SCG3: variants seen among roughly 807,000 people sequenced by gnomAD.
SCG3 encodes the protein secretogranin III.
SCG3 carries 38 observed loss-of-function variants against 56.2 expected under a neutral mutation model. The observed-to-expected ratio is 0.68, with a 90% CI of 0.52 to 0.89. SCG3 has a LOEUF of 0.89. Among genes scored for constraint, SCG3 ranks in the 40% least tolerant of loss-of-function variants. The probability of loss-of-function intolerance (pLI) is 0.00; values close to 1 mark genes in which losing one functional copy is unlikely to be tolerated. For missense variants in SCG3, 524 were observed against 540.7 expected, an observed-to-expected ratio of 0.97 and a Z score of 0.31; for synonymous variants, 176 against 184.2, an observed-to-expected ratio of 0.96 and a Z score of 0.36.
chr15:51,682,595 G>T, intron 2 of SCG3, 26 bp downstream of exon 2: 1 of 1,253,316 alleles, frequency 8.0e-7, no homozygotes, highest in Non-Finnish European at 1.1e-6. Flanking sequence ...CATTATGAAT[G>T]CTATTTCATT....
At chr15:51,693,607 T>C (rs954521257) in intron 7 of SCG3, 1 of 152,246 alleles carries the variant, frequency 6.6e-6, no homozygotes, top group Admixed American at 6.5e-5. Flanking sequence ...ACTGCCTTCA[T>C]GGCTTTTTCT....
At chr15:51,681,879 G>C in intron 1 of SCG3, 42 bp downstream of exon 1, 1 of 1,536,654 alleles carries the variant, frequency 6.5e-7, no homozygotes, top group Non-Finnish European at 9.0e-7. Flanking sequence ...CTTTTATTTC[G>C]CCACGAAAAG....
rs747559537 is a variant in SCG3, at chr15:51,699,419, A to AT, written c.1069+24dup. Reference sequence around the variant, plus strand: ...TTTTCCCAGGTATGATTATTTAACTATTTTTTTAGCCTTTAGAATAATAAC... The same window carrying AT: ...TTTTCCCAGGTATGATTATTTAACTATTTTTTTTAGCCTTTAGAATAATAAC... On this transcript the variant is annotated intron_variant, in intron 9 of 11. Transcript: ENST00000220478. The AT allele has an allele frequency of 7.3e-6, 11 of 1,499,346 alleles. No homozygotes were observed. The highest frequency in any genetic ancestry group is 2.3e-5 in the East Asian group (1 of 44,022). 92.9% of individuals were successfully genotyped at this position (1,499,346 alleles called of 1,614,324 possible).
At chr15:51,716,623 G>A (rs1258446315) in intron 11 of SCG3, among the ~76,000 whole-genome samples, 1 of 152,176 alleles carries the variant, frequency 6.6e-6, no homozygotes, top group Non-Finnish European at 1.5e-5. Flanking sequence ...AAGCAACAAT[G>A]TGCTTTCTCC....
chr15:51,681,859 T>G, intron 1 of SCG3, 22 bp downstream of exon 1: 1 of 1,594,584 alleles, frequency 6.3e-7, no homozygotes, highest in Non-Finnish European at 8.6e-7. Flanking sequence ...CTTTTCTTCT[T>G]CCTACCTTCC....
chr15:51,708,879 G>A (rs2055393356), intron 10 of SCG3, among the ~76,000 whole-genome samples: 1 of 151,766 alleles, frequency 6.6e-6, no homozygotes, highest in Admixed American at 6.6e-5. Flanking sequence ...GAAAACCACT[G>A]CCTTGTCAGC....
At position 51,716,275 on chromosome 15, in the gene SCG3, G is replaced by A. The variant is rs576770281; in HGVS notation, c.1288+2862G>A. On this transcript the variant is annotated intron_variant, in intron 11 of 11. Coordinates refer to ENST00000220478, the MANE Select transcript of SCG3 (RefSeq NM_013243.4). ...TGCAGAGGCAGTATTAATGAACCAGGAATAAACAAGAAGTGCCCTTTGTGC... is the reference window on the plus strand; with the variant it reads ...TGCAGAGGCAGTATTAATGAACCAGAAATAAACAAGAAGTGCCCTTTGTGC... 9.8e-5 allele frequency among the ~76,000 whole-genome samples: 15 copies of A among 152,298 alleles called. No homozygotes were observed. The South Asian group carries it at 2.7e-3, about 27-fold the overall frequency.
At chr15:51,685,615 A>G (rs1417788461) in intron 4 of SCG3, among the ~76,000 whole-genome samples, 1 of 152,304 alleles carries the variant, frequency 6.6e-6, no homozygotes, top group South Asian at 2.1e-4. Context: ...TCCTGAAACC[A>G]GAGGGTTTTT....
At position 51,681,737 on chromosome 15, in the gene SCG3, C is replaced by A. The variant is rs749361693; in HGVS notation, c.-19C>A. ...CAGGAGCCCAGCGCCGGGCTGTGAC[C>A]CAAGCCGAGCGTGGAAGAATGGGGT... On this transcript the variant is annotated 5_prime_UTR_variant, in exon 1 of 12. Transcript: ENST00000220478. 2 of 1,610,488 alleles carry A rather than the reference C, an allele frequency of 1.2e-6. No individual in the cohort carries two copies. The highest frequency in any genetic ancestry group is 1.1e-5 in the South Asian group (1 of 90,876).
rs192335182 is a variant in SCG3, at chr15:51,715,928, G to A, written c.1288+2515G>A. Among the ~76,000 whole-genome samples the A allele has an allele frequency of 1.2e-3, 183 of 151,638 alleles. 2 individuals carry two copies. The highest frequency in any genetic ancestry group is 2.2e-3 in the Admixed American group (33 of 15,236). ...GCTGGAGTGCAGTGGCACGGTCTCC[G>A]CTCACTGCGAGCTCCGCCTCCAGGG... On this transcript the variant is annotated intron_variant, in intron 11 of 11. Transcript: ENST00000220478.
At chr15:51,711,999 T>A (rs1221143833) in intron 10 of SCG3, among the ~76,000 whole-genome samples, 5 of 152,204 alleles carry the variant, frequency 3.3e-5, no homozygotes, top group Non-Finnish European at 5.9e-5. Flanking sequence ...GGCAGTGTTA[T>A]TGTACATGGA....
chr15:51,707,648 G>C (rs1247035882), intron 10 of SCG3, among the ~76,000 whole-genome samples: 2 of 152,226 alleles, frequency 1.3e-5, no homozygotes, highest in Admixed American at 6.5e-5. Flanking sequence ...CATGGCCAAA[G>C]TGGTGGAGCT....
intron 1 of SCG3, 73 bp from the exon 2 acceptor site, chr15:51,682,444 A>G: frequency 1.3e-6 from 1 of 743,084 alleles, no homozygotes. Flanking sequence ...TTTTATAAAA[A>G]TTTTATTTAA....
rs766515836 is a variant in SCG3 at position 51,705,522 on chromosome 15, C to CT, written c.1207+4292dup. Among the ~76,000 whole-genome samples, 722 of 142,804 alleles carry CT rather than the reference C, an allele frequency of 5.1e-3. 3 individuals are homozygous for CT. Among genetic ancestry groups the CT allele is most frequent in the African/African-American group, 0.014 (532 of 39,150 alleles). 93.7% of individuals were successfully genotyped at this position (142,804 alleles called of 152,430 possible). ...AAAACTTTATCCATTTAGTGTTATT[C>CT]TTTTTTTTTTTTTTCCCGAGACAGA... On this transcript the variant is annotated intron_variant, in intron 10 of 11. Coordinates refer to ENST00000220478, the MANE Select transcript of SCG3 (RefSeq NM_013243.4).
chr15:51,683,290 G>A lies in SCG3; in HGVS notation c.253G>A (p.Glu85Lys), dbSNP rs1459980606. 6.2e-7 allele frequency: 1 copy of A among 1,613,780 alleles called. No homozygotes were observed. Among genetic ancestry groups the A allele is most frequent in the East Asian group, 2.2e-5 (1 of 44,834 alleles). The part of the protein sequence containing the change: ...LNLLKAITEK[E>K]KIEKERQSIR... Reference sequence around the variant, plus strand: ...CCTGCTAAAGGCAATAACAGAAAAGGAAAAAATTGAGAAAGAAAGACAATC... The same window carrying A: ...CCTGCTAAAGGCAATAACAGAAAAGAAAAAAATTGAGAAAGAAAGACAATC... Residue 85 changes from glutamate (E) to lysine (K), a missense_variant, in exon 4 of 12, where the codon GAA (glutamate) becomes AAA (lysine). Physicochemically the swap from Glu to Lys is moderately conservative, Grantham distance 56. Transcript: ENST00000220478.
rs2055194407 is a variant in SCG3, at chr15:51,681,621, C to T, written c.-135C>T. 1 of 667,814 alleles carries T rather than the reference C, an allele frequency of 1.5e-6. No homozygotes were observed. The highest frequency in any genetic ancestry group is 2.7e-6 in the Non-Finnish European group (1 of 373,654). The allele number at this position is 667,814 out of a possible 1,614,324, so 41.4% of individuals were successfully genotyped here. A position where few individuals can be genotyped will look rare whatever the true frequency, so the allele number is the denominator to read the frequency against. ...CGAGTGTCAGAGATCCTGCAGCCGC[C>T]CAGTCCCGGCCCCTCTCCCGCCCCA... On this transcript the variant is annotated 5_prime_UTR_variant, in exon 1 of 12. Transcript: ENST00000220478.
intron 7 of SCG3, chr15:51,693,926 T>C (rs994569465): frequency 1.3e-5 from 2 of 152,224 alleles, no homozygotes; most frequent in African/African-American, 4.8e-5. Flanking sequence ...CAAATACTTC[T>C]ACGGATGTGT....
intron 7 of SCG3, chr15:51,695,669 C>T (rs2055298016): frequency 2.3e-6 from 1 of 443,782 alleles, no homozygotes; most frequent in South Asian, 3.9e-5. Flanking sequence ...CTCTTGAGTG[C>T]AGGAGATTAG....
intron 10 of SCG3, among the ~76,000 whole-genome samples, chr15:51,712,086 G>C (rs888288969): frequency 3.9e-5 from 6 of 152,196 alleles, no homozygotes; most frequent in African/African-American, 1.2e-4. Flanking sequence ...ATGTCTCTGT[G>C]CTTCAGTGTC....
Sources: gnomAD v4.1 joint callset for allele counts (sites outside exome capture counted in the v4.1 genomes callset) on GRCh38, gnomAD v4.1.1 for gene constraint, MANE v1.5 for transcripts, NCBI Gene and HGNC (gene_info 2026-07-23, HGNC 2026-07-21) for gene names.